The following SIRT2 variants were observed in gnomAD, a reference collection of about 807,000 sequenced individuals.
SIRT2 encodes the protein NAD-dependent protein deacetylase sirtuin-2.
In SIRT2, 40 loss-of-function variants were observed where a neutral mutation model predicts 57.4. The ratio of observed to expected loss-of-function variants is 0.70; its 90% CI spans 0.54 to 0.91. The LOEUF (loss-of-function observed/expected upper bound fraction) is 0.91, where lower values mean the gene tolerates loss of function less well. Among genes scored for constraint, SIRT2 ranks in the 40% least tolerant of loss-of-function variants. SIRT2 has a pLI of 0.00. For synonymous variants in SIRT2, 161 were observed against 195.7 expected (o/e 0.82, Z 1.48); for missense variants, 439 against 510.4 (o/e 0.86, Z 1.35).
intron 2 of SIRT2, among the ~76,000 whole-genome samples, chr19:38,896,760 T>A (rs1456202690): frequency 6.6e-6 from 1 of 152,164 alleles, no homozygotes; most frequent in African/African-American, 2.4e-5. Context: ...AACAGGAGGC[T>A]CTTATATCCT....
rs745853916 is a variant in SIRT2, at chr19:38,879,247, C to A, written c.1078G>T (p.Val360Phe). ...ASIDAQSGAG[V>F]PNPSTSASPK... Reference sequence around the variant, plus strand: ...GAAGCTGAAGTGCTGGGGTTGGGGACCCCCGCCCCCGACTGGGCATCTATG... The same window carrying A: ...GAAGCTGAAGTGCTGGGGTTGGGGAACCCCGCCCCCGACTGGGCATCTATG... Residue 360 changes from valine (V) to phenylalanine (F), a missense_variant, in exon 16 of 16, where the codon GTC becomes TTC. By Grantham distance (50) the Val-to-Phe change is conservative (BLOSUM62 -1). Transcript: ENST00000249396. 26 of 1,604,290 alleles carry A rather than the reference C, an allele frequency of 1.6e-5. No individual in the cohort carries two copies. Among genetic ancestry groups the A allele is most frequent in the Non-Finnish European group, 7.6e-6 (9 of 1,177,282 alleles).
chr19:38,881,061 C>T (rs201430878), intron 11 of SIRT2, 39 bp downstream of exon 11: 58 of 1,601,584 alleles, frequency 3.6e-5, no homozygotes, highest in Admixed American at 6.8e-5. Context: ...CAGGTGGAGG[C>T]GGCGGTTGGG....
chr19:38,889,574 G>A lies in SIRT2; in HGVS notation c.432+115C>T, dbSNP rs567653356. Reference sequence around the variant, plus strand: ...CTTGAACCGAGGCAGTCTGGGCCCAGCACCCATGTACTTAATGGCTACATA... The same window carrying A: ...CTTGAACCGAGGCAGTCTGGGCCCAACACCCATGTACTTAATGGCTACATA... On this transcript the variant is annotated intron_variant, in intron 7 of 15. Coordinates refer to ENST00000249396, the MANE Select transcript of SIRT2 (RefSeq NM_012237.4). 54 of 1,188,906 alleles carry A rather than the reference G, an allele frequency of 4.5e-5. No individual in the cohort carries two copies. The South Asian group carries it at 5.1e-4, about 11-fold the overall frequency. The allele number at this position is 1,188,906 out of a possible 1,614,324, so 73.6% of individuals were successfully genotyped here.
intron 1 of SIRT2, chr19:38,898,903 ATCC>A: frequency 1.2e-5 from 2 of 164,734 alleles, no homozygotes; most frequent in Admixed American, 5.8e-5. Flanking sequence ...GGCTCAAGCG[ATCC>A]TCCTCCTCCT....
At chr19:38,889,052 C>G in intron 8 of SIRT2, 35 bp downstream of exon 8, 1 of 1,596,506 alleles carries the variant, frequency 6.3e-7, no homozygotes, top group South Asian at 1.1e-5. Context: ...GTTCCACCCG[C>G]CCATCCTCCT....
intron 2 of SIRT2, among the ~76,000 whole-genome samples, chr19:38,895,147 C>T (rs893473707): frequency 6.6e-6 from 1 of 151,946 alleles, no homozygotes; most frequent in African/African-American, 2.4e-5. Context: ...TCCACCAACC[C>T]CCTTTCCCTC....
chr19:38,887,964 C>T (rs1384613069), intron 8 of SIRT2, among the ~76,000 whole-genome samples: 1 of 152,024 alleles, frequency 6.6e-6, no homozygotes, highest in Non-Finnish European at 1.5e-5. Context: ...TGATGTTGGA[C>T]AGGCTGGTCT....
chr19:38,897,127 G>C (rs1482264454), intron 2 of SIRT2, among the ~76,000 whole-genome samples: 1 of 152,186 alleles, frequency 6.6e-6, no homozygotes, highest in Admixed American at 6.5e-5. Flanking sequence ...CTGTAAAATG[G>C]CCGTGATAGG....
chr19:38,899,392 C>G, intron 1 of SIRT2, 114 bp downstream of exon 1: 3 of 1,226,498 alleles, frequency 2.4e-6, no homozygotes, highest in Non-Finnish European at 3.5e-6. Flanking sequence ...AATCCCACTC[C>G]CCGAAGCGCT....
At chr19:38,892,915 A>C (rs1337936989) in intron 4 of SIRT2, among the ~76,000 whole-genome samples, 1 of 152,192 alleles carries the variant, frequency 6.6e-6, no homozygotes, top group African/African-American at 2.4e-5. Flanking sequence ...TAACCTTATG[A>C]GTTAGATACT....
At position 38,883,841 on chromosome 19, in the gene SIRT2, G is replaced by A. The variant is rs112585458; in HGVS notation, c.502-85C>T. ...GGCACAGTAGGGAGTTGAGGGCCAC[G>A]AGGAGCAGTGAGGTGGTGGGGACAG... is the stretch of plus-strand genomic sequence containing the variant. On this transcript the variant is annotated intron_variant, in intron 8 of 15. Transcript: ENST00000249396. The A allele has an allele frequency of 1.9e-3, 2,696 of 1,423,446 alleles. 44 individuals are homozygous for A. The highest frequency in any genetic ancestry group is 0.014 in the African/African-American group (982 of 71,024). 88.2% of individuals were successfully genotyped at this position (1,423,446 alleles called of 1,614,324 possible). A position where few individuals can be genotyped will look rare whatever the true frequency, so the allele number is the denominator to read the frequency against.
chr19:38,879,098 CGGTTG>C lies in SIRT2; in HGVS notation c.*52_*56del, dbSNP rs767827570. 2.8e-5 allele frequency: 42 copies of C among 1,502,520 alleles called. No homozygotes were observed. Among genetic ancestry groups the C allele is most frequent in the Non-Finnish European group, 3.5e-6 (4 of 1,128,076 alleles). The allele number at this position is 1,502,520 out of a possible 1,614,324, so 93.1% of individuals were successfully genotyped here. A position where few individuals can be genotyped will look rare whatever the true frequency, so the allele number is the denominator to read the frequency against. On this transcript the variant is annotated 3_prime_UTR_variant, in exon 16 of 16. Coordinates refer to ENST00000249396, the MANE Select transcript of SIRT2 (RefSeq NM_012237.4). ...CTGCTGGTTAAGAGGGGGCCAGGCC[CGGTTG>C]GGGCTCAGCTGTCCCTGAGGAGCTC... is the stretch of plus-strand genomic sequence containing the variant.
Position 38,880,982 on chromosome 19 carries a change from C to T in SIRT2, c.748-85G>A, listed in dbSNP as rs113433881. 3 of 1,545,612 alleles carry T rather than the reference C, an allele frequency of 1.9e-6. No individual in the cohort carries two copies. The highest frequency in any genetic ancestry group is 2.7e-5 in the African/African-American group (2 of 73,552). On this transcript the variant is annotated intron_variant, in intron 11 of 15. Transcript: ENST00000249396. The surrounding 1 kb of genome is among the most constrained non-coding windows in gnomAD (Gnocchi z 4.1). ...CCGCCCCCAGCAGCAAACCTCCCTG[C>T]CGCCCCCCATAGCTGGGGAGGTGAC... is the stretch of plus-strand genomic sequence containing the variant.
At chr19:38,895,412 G>A (rs1350974941) in intron 2 of SIRT2, among the ~76,000 whole-genome samples, 1 of 152,186 alleles carries the variant, frequency 6.6e-6, no homozygotes, top group East Asian at 1.9e-4. Flanking sequence ...ACTGAGAACA[G>A]GGTCTGGCTC....
intron 3 of SIRT2, 58 bp downstream of exon 3, chr19:38,893,761 C>T: frequency 6.3e-7 from 1 of 1,598,232 alleles, no homozygotes; most frequent in Non-Finnish European, 8.6e-7. Flanking sequence ...ACACCCCTGC[C>T]CTGAAATCCC....
At chr19:38,895,122 C>T (rs1056071976) in intron 2 of SIRT2, among the ~76,000 whole-genome samples, 1 of 151,450 alleles carries the variant, frequency 6.6e-6, no homozygotes, top group Non-Finnish European at 1.5e-5. Context: ...GTACGCTGAG[C>T]CTCCTAAGGG....
intron 9 of SIRT2, 47 bp from the exon 10 acceptor site, chr19:38,881,538 G>A (rs913372027): frequency 1.3e-6 from 2 of 1,554,424 alleles, no homozygotes; most frequent in Non-Finnish European, 8.9e-7. Context: ...AGAGGATCTG[G>A]GCCGGAGTCT....
intron 10 of SIRT2, 103 bp downstream of exon 10, chr19:38,881,328 AG>A (rs1324349699): frequency 8.3e-7 from 1 of 1,210,340 alleles, no homozygotes; most frequent in Non-Finnish European, 1.2e-6. Flanking sequence ...TCAGAGAGAC[AG>A]AGGTGGCCAG....
Position 38,883,697 on chromosome 19 carries a change from G to A in SIRT2, c.561C>T (p.His187=), listed in dbSNP as rs749561049. The A allele has an allele frequency of 1.6e-5, 26 of 1,613,988 alleles. No homozygotes were observed. Among genetic ancestry groups the A allele is most frequent in the Middle Eastern group, 1.6e-4 (1 of 6,082 alleles). Residue 187 remains histidine (H), a synonymous_variant, in exon 9 of 16, where the codon CAC becomes CAT. Transcript: ENST00000249396. ...GLEQEDLVEA[H]GTFYTSHCVS... ...CGCAGTGTGATGTGTAGAAGGTGCCGTGCGCCTCCACCAAGTCCTCCTGTT... is the reference window on the plus strand; with the variant it reads ...CGCAGTGTGATGTGTAGAAGGTGCCATGCGCCTCCACCAAGTCCTCCTGTT...
Sources: gnomAD v4.1 joint callset for allele counts (sites outside exome capture counted in the v4.1 genomes callset) on GRCh38, gnomAD v4.1.1 for gene constraint, Gnocchi (gnomAD v3.1) non-coding constraint, MANE v1.5 for transcripts, NCBI Gene and HGNC (gene_info 2026-07-23, HGNC 2026-07-21) for gene names.